Variants in ZMYM4 observed in about 807,000 individuals in gnomAD.
ZMYM4 encodes zinc finger MYM-type protein 4.
ZMYM4 carries 31 observed loss-of-function variants against 183.2 expected under a neutral mutation model. That is an observed-to-expected ratio of 0.17 (90% confidence interval 0.13 to 0.23). ZMYM4 has a LOEUF of 0.23. Ranked by LOEUF, ZMYM4 falls within the 10% of genes least tolerant of loss-of-function variation. The pLI, the probability that ZMYM4 is intolerant of heterozygous loss-of-function variation, is 1.00. For missense variants in ZMYM4, 1,273 were observed against 1,840.3 expected (o/e 0.69, Z 5.64); for synonymous variants, 592 against 631.2 (o/e 0.94, Z 0.93).
At chr1:35,336,953 T>C (rs1046986560) in intron 2 of ZMYM4, among the ~76,000 whole-genome samples, 1 of 152,242 alleles carries the variant, frequency 6.6e-6, no homozygotes, top group African/African-American at 2.4e-5. Context: ...GTAGTTTTCA[T>C]GTGCTCTTCG....
At chr1:35,319,168 C>T (rs1323416665) in intron 1 of ZMYM4, among the ~76,000 whole-genome samples, 1 of 152,196 alleles carries the variant, frequency 6.6e-6, no homozygotes, top group Non-Finnish European at 1.5e-5. Context: ...GTGTGAGCCA[C>T]CGTGCCTGGC....
At chr1:35,370,731 T>A in intron 7 of ZMYM4, 104 bp downstream of exon 7, 1 of 1,090,964 alleles carries the variant, frequency 9.2e-7, no homozygotes, top group Non-Finnish European at 1.1e-6. Context: ...TTATTCCTTT[T>A]TTTTTTTTTT....
chr1:35,373,439 G>A (rs1342997191), intron 7 of ZMYM4, among the ~76,000 whole-genome samples: 13 of 148,382 alleles, frequency 8.8e-5, no homozygotes, highest in East Asian at 2.0e-4. Flanking sequence ...GTGCAGTGGC[G>A]CAGTCTCGGC....
intron 1 of ZMYM4, among the ~76,000 whole-genome samples, chr1:35,271,361 A>G (rs79658824): frequency 5.4e-5 from 5 of 93,136 alleles, no homozygotes; most frequent in Non-Finnish European, 8.0e-5. Context: ...GGAATGCTGG[A>G]AAAAAAAAAA....
chr1:35,279,839 C>T (rs565919500), intron 1 of ZMYM4, among the ~76,000 whole-genome samples: 27 of 152,318 alleles, frequency 1.8e-4, no homozygotes, highest in African/African-American at 6.5e-4. Flanking sequence ...GAGACAGCAA[C>T]AGAAGCATCC....
intron 2 of ZMYM4, among the ~76,000 whole-genome samples, chr1:35,343,867 A>AG (rs1219030476): frequency 6.6e-6 from 1 of 151,746 alleles, no homozygotes; most frequent in Non-Finnish European, 1.5e-5. Flanking sequence ...CTGTCTCAAA[A>AG]AAAAAAAACA....
chr1:35,279,543 A>T (rs888692682), intron 1 of ZMYM4, among the ~76,000 whole-genome samples: 3 of 152,148 alleles, frequency 2.0e-5, no homozygotes, highest in African/African-American at 7.2e-5. Flanking sequence ...TAATTTCCGC[A>T]TCCTTTGTAT....
At chr1:35,329,405 G>C (rs1280911792) in intron 2 of ZMYM4, among the ~76,000 whole-genome samples, 1 of 152,186 alleles carries the variant, frequency 6.6e-6, no homozygotes, top group South Asian at 2.1e-4. Flanking sequence ...TTTTAAAGAA[G>C]TTGAAATAAA....
At chr1:35,303,313 A>C (rs1003259871) in intron 1 of ZMYM4, among the ~76,000 whole-genome samples, 1 of 151,890 alleles carries the variant, frequency 6.6e-6, no homozygotes, top group African/African-American at 2.4e-5. Flanking sequence ...AGAAAAGAAA[A>C]AAAATTGCTT....
intron 2 of ZMYM4, among the ~76,000 whole-genome samples, chr1:35,332,215 G>GTCA (rs1271541589): frequency 1.3e-5 from 2 of 152,052 alleles, no homozygotes; most frequent in Non-Finnish European, 2.9e-5. Flanking sequence ...AATCACTAGT[G>GTCA]TCACTTTTTA....
At chr1:35,388,858 C>T (rs1162900062) in intron 13 of ZMYM4, 52 bp from the exon 14 acceptor site, 3 of 1,573,904 alleles carry the variant, frequency 1.9e-6, no homozygotes, top group South Asian at 1.1e-5. Context: ...TTTAAAGTTG[C>T]AGAAAACTAA....
chr1:35,398,022 A>C (rs1400066669), intron 20 of ZMYM4, among the ~76,000 whole-genome samples: 1 of 152,212 alleles, frequency 6.6e-6, no homozygotes, highest in African/African-American at 2.4e-5. Flanking sequence ...CATTGTGCTC[A>C]GTGCATTGTG....
intron 3 of ZMYM4, among the ~76,000 whole-genome samples, chr1:35,360,060 C>G (rs2148906384): frequency 6.6e-6 from 1 of 152,068 alleles, no homozygotes; most frequent in South Asian, 2.1e-4. Flanking sequence ...TCCTGCTATT[C>G]CATTTGCCTG....
At chr1:35,331,877 T>C (rs1642768459) in intron 2 of ZMYM4, among the ~76,000 whole-genome samples, 1 of 151,642 alleles carries the variant, frequency 6.6e-6, no homozygotes, top group African/African-American at 2.4e-5. Flanking sequence ...AAAAAGGAGA[T>C]ATAAGTTCTA....
chr1:35,363,208 G>A lies in ZMYM4; in HGVS notation c.840+1419G>A, dbSNP rs1279079844. Reference sequence around the variant, plus strand: ...TTGCACAAGCTTGTCTCTAACTTCTGTGCTCAAGCGATCCTCCTGCTATGG... The same window carrying A: ...TTGCACAAGCTTGTCTCTAACTTCTATGCTCAAGCGATCCTCCTGCTATGG... On this transcript the variant is annotated intron_variant, in intron 5 of 29. Transcript: ENST00000314607. Among the ~76,000 whole-genome samples the A allele has an allele frequency of 2.0e-5, 3 of 152,042 alleles. No individual in the cohort carries two copies. In the East Asian group the frequency reaches 5.8e-4, roughly 29 times the overall value.
chr1:35,399,172 C>G, intron 22 of ZMYM4, 129 bp downstream of exon 22: 1 of 985,520 alleles, frequency 1.0e-6, no homozygotes, highest in Non-Finnish European at 1.5e-6. Flanking sequence ...AGGTCATAAT[C>G]TAGAGCACAA....
At chr1:35,302,047 C>CGGA (rs1641302348) in intron 1 of ZMYM4, among the ~76,000 whole-genome samples, 1 of 152,104 alleles carries the variant, frequency 6.6e-6, no homozygotes, top group South Asian at 2.1e-4. Context: ...CTCTCTGTTA[C>CGGA]TTCATAATAG....
At chr1:35,412,053 T>TC (rs1355642343) in intron 26 of ZMYM4, among the ~76,000 whole-genome samples, 2 of 151,726 alleles carry the variant, frequency 1.3e-5, no homozygotes, top group African/African-American at 4.8e-5. Flanking sequence ...CCAGCTAATT[T>TC]TTTTTTTTTT....
chr1:35,320,795 G>A (rs912971548), intron 1 of ZMYM4, among the ~76,000 whole-genome samples: 6 of 152,200 alleles, frequency 3.9e-5, no homozygotes, highest in African/African-American at 1.4e-4. Context: ...TCACTGAAAT[G>A]TTCTGTGTTG....
Sources: allele counts gnomAD v4.1 joint callset (sites outside exome capture counted in the v4.1 genomes callset), GRCh38; gene constraint gnomAD v4.1.1; transcripts MANE v1.5; gene names NCBI Gene and HGNC (gene_info 2026-07-23, HGNC 2026-07-21).